Variants in MTURN observed in about 807,000 individuals in gnomAD.
The protein encoded by MTURN is maturin.
MTURN carries 7 observed loss-of-function variants against 14.9 expected under a neutral mutation model. The observed-to-expected ratio is 0.47, with a 90% confidence interval of 0.27 to 0.88. The LOEUF is 0.88. Among genes scored for constraint, MTURN ranks in the 40% least tolerant of loss-of-function variants. The pLI, the probability that MTURN is intolerant of heterozygous loss-of-function variation, is 0.14. For synonymous variants in MTURN, 69 were observed against 72.5 expected (o/e 0.95, Z 0.25); for missense variants, 151 against 174.1 (o/e 0.87, Z 0.75).
At chr7:30,146,122 G>A in intron 1 of MTURN, 55 bp from the exon 2 acceptor site, 1 of 1,608,834 alleles carries the variant, frequency 6.2e-7, no homozygotes, top group Non-Finnish European at 8.5e-7. Context: ...ACTTCACACT[G>A]AGTGTAGTGA....
intron 2 of MTURN, among the ~76,000 whole-genome samples, chr7:30,156,321 T>C (rs570921915): frequency 1.1e-4 from 17 of 152,052 alleles, no homozygotes; most frequent in Admixed American, 3.3e-4. Flanking sequence ...AACCTTAAAA[T>C]TGGGGTGTAT....
At chr7:30,141,601 G>A (rs1035893765) in intron 1 of MTURN, among the ~76,000 whole-genome samples, 2 of 152,006 alleles carry the variant, frequency 1.3e-5, no homozygotes, top group East Asian at 1.9e-4. Context: ...AGAGCTCACC[G>A]TAACCTCAAA....
chr7:30,145,851 C>T (rs183828722), intron 1 of MTURN: 12 of 1,541,274 alleles, frequency 7.8e-6, no homozygotes, highest in Admixed American at 6.3e-5. Flanking sequence ...GTCTGAAAAC[C>T]GCCCTTAGCC....
At chr7:30,145,782 G>C in intron 1 of MTURN, 1 of 1,437,928 alleles carries the variant, frequency 7.0e-7, no homozygotes, top group East Asian at 2.5e-5. Context: ...TCTTTCAGCC[G>C]TAGCTGAAAG....
chr7:30,156,494 G>A (rs1248638131), intron 2 of MTURN, among the ~76,000 whole-genome samples: 1 of 151,760 alleles, frequency 6.6e-6, no homozygotes, highest in East Asian at 1.9e-4. Flanking sequence ...CTGAGACCCT[G>A]TCTCTATTAA....
Position 30,162,603 on chromosome 7 carries a change from G to GTTT in MTURN, c.*5055_*5056insTTT, listed in dbSNP as rs1367990044. 6.6e-6 allele frequency: 1 copy of GTTT among 151,754 alleles called. No homozygotes were observed. The highest frequency in any genetic ancestry group is 6.6e-5 in the Admixed American group (1 of 15,166). 9.4% of individuals were successfully genotyped at this position (151,754 alleles called of 1,614,324 possible). ...CTTGTAAATTACAAAACTGTGAATT[G>GTTT]GGTTGCCAAAAACTGTTGCCCTTCG... On this transcript the variant is annotated 3_prime_UTR_variant, in exon 3 of 3. Transcript: ENST00000324453.
intron 1 of MTURN, among the ~76,000 whole-genome samples, chr7:30,135,918 C>T (rs968029396): frequency 2.0e-5 from 3 of 152,260 alleles, no homozygotes; most frequent in Admixed American, 6.5e-5. Flanking sequence ...ACCTTCTTTG[C>T]GGAATTACAC....
At chr7:30,139,257 T>C (rs561080127) in intron 1 of MTURN, among the ~76,000 whole-genome samples, 1 of 152,366 alleles carries the variant, frequency 6.6e-6, no homozygotes, top group East Asian at 1.9e-4. Flanking sequence ...CAGTTTACTA[T>C]GTAGCAGACG....
At chr7:30,144,610 T>C (rs754134616) in intron 1 of MTURN, among the ~76,000 whole-genome samples, 1 of 152,206 alleles carries the variant, frequency 6.6e-6, no homozygotes, top group African/African-American at 2.4e-5. Context: ...TAGAGAAGTC[T>C]GCTGGCATGA....
At chr7:30,153,081 C>T (rs1797235932) in intron 2 of MTURN, among the ~76,000 whole-genome samples, 1 of 152,144 alleles carries the variant, frequency 6.6e-6, no homozygotes, top group African/African-American at 2.4e-5. Context: ...TTAAATATAC[C>T]AGTCACTTTC....
At position 30,135,028 on chromosome 7, in the gene MTURN, C is replaced by T. The variant is rs1796919118; in HGVS notation, c.-109C>T. 1.0e-6 allele frequency: 1 copy of T among 983,062 alleles called. No homozygotes were observed. The highest frequency in any genetic ancestry group is 4.7e-5 in the South Asian group (1 of 21,126). The allele number at this position is 983,062 out of a possible 1,614,324, so 60.9% of individuals were successfully genotyped here. ...AACAGTCCCAGCCGGCCCAGCCCGG[C>T]CCCGGAGGAGCCCGCGCAGGCCGAG... On this transcript the variant is annotated 5_prime_UTR_variant, in exon 1 of 3. Transcript: ENST00000324453.
intron 1 of MTURN, among the ~76,000 whole-genome samples, chr7:30,142,297 G>T (rs774598970): frequency 6.6e-6 from 1 of 152,184 alleles, no homozygotes; most frequent in Non-Finnish European, 1.5e-5. Flanking sequence ...CGGATTTTCT[G>T]TAGGAAAGAG....
chr7:30,162,491 GTTGTT>G lies in MTURN; in HGVS notation c.*4946_*4950del, dbSNP rs1289363814. The G allele has an allele frequency of 2.1e-5, 3 of 141,004 alleles. No homozygotes were observed. The highest frequency in any genetic ancestry group is 8.6e-5 in the African/African-American group (3 of 34,932). The allele number at this position is 141,004 out of a possible 1,614,324, so 8.7% of individuals were successfully genotyped here. On this transcript the variant is annotated 3_prime_UTR_variant, in exon 3 of 3. Coordinates refer to ENST00000324453, the MANE Select transcript of MTURN (RefSeq NM_152793.3). ...GTTGTTGGGTTTTTGTTTTTTGGTT[GTTGTT>G]TTTTTTTTTTTTTAGGCAAGAAGTG...
Position 30,162,628 on chromosome 7 carries a change from G to T in MTURN, c.*5080G>T, listed in dbSNP as rs1797392276. On this transcript the variant is annotated 3_prime_UTR_variant, in exon 3 of 3. Coordinates refer to ENST00000324453, the MANE Select transcript of MTURN (RefSeq NM_152793.3). ...GGGTTGCCAAAAACTGTTGCCCTTC[G>T]TTAGATGCTTCAAACAGTGTAAATC... is the stretch of plus-strand genomic sequence containing the variant. The T allele has an allele frequency of 6.6e-6, 1 of 152,214 alleles. No homozygotes were observed. The highest frequency in any genetic ancestry group is 6.6e-5 in the Admixed American group (1 of 15,230). 9.4% of individuals were successfully genotyped at this position (152,214 alleles called of 1,614,324 possible).
chr7:30,135,305 G>T lies in MTURN; in HGVS notation c.162+7G>T. 1.3e-6 allele frequency: 2 copies of T among 1,515,472 alleles called. No individual in the cohort carries two copies. Among genetic ancestry groups the T allele is most frequent in the Non-Finnish European group, 1.8e-6 (2 of 1,130,990 alleles). 93.9% of individuals were successfully genotyped at this position (1,515,472 alleles called of 1,614,324 possible). A position where few individuals can be genotyped will look rare whatever the true frequency, so the allele number is the denominator to read the frequency against. On this transcript the variant is annotated splice_region_variant and intron_variant, in intron 1 of 2. Transcript: ENST00000324453. ...CGGCTGCGGCGACAATTTTGTGAGT[G>T]CCTGGAGGAGGGACCGCCGGAGCCG... is the stretch of plus-strand genomic sequence containing the variant.
In MTURN at chr7:30,160,237, G is replaced by A. The variant is rs900935335; in HGVS notation, c.*2689G>A. 6.6e-6 allele frequency: 1 copy of A among 152,336 alleles called. No individual in the cohort carries two copies. Among genetic ancestry groups the A allele is most frequent in the Non-Finnish European group, 1.5e-5 (1 of 68,114 alleles). The allele number at this position is 152,336 out of a possible 1,614,324, so 9.4% of individuals were successfully genotyped here. A position where few individuals can be genotyped will look rare whatever the true frequency, so the allele number is the denominator to read the frequency against. ...CTTGCCAAGGTGCTGCCTTTAGGATGCTGACCCCTGCACTACCTTAGAACA... is the reference window on the plus strand; with the variant it reads ...CTTGCCAAGGTGCTGCCTTTAGGATACTGACCCCTGCACTACCTTAGAACA... On this transcript the variant is annotated 3_prime_UTR_variant, in exon 3 of 3. Transcript: ENST00000324453.
Position 30,145,907 on chromosome 7 carries a change from A to C in MTURN, c.163-270A>C, listed in dbSNP as rs1466460706. 1.9e-6 allele frequency: 3 copies of C among 1,549,174 alleles called. No homozygotes were observed. The South Asian group carries it at 3.6e-5, about 18-fold the overall frequency. ...AATCATTGGTGAGGAATGGCCACCC[A>C]CTGCCCTCTTTACTGTGTAGGAGCA... On this transcript the variant is annotated intron_variant, in intron 1 of 2. Transcript: ENST00000324453.
At chr7:30,140,783 AGTT>A (rs1797038978) in intron 1 of MTURN, 1 of 152,174 alleles carries the variant, frequency 6.6e-6, no homozygotes. Context: ...TGAGGAGAGT[AGTT>A]ACGTCAATAC....
chr7:30,141,711 C>T (rs1453890181), intron 1 of MTURN, among the ~76,000 whole-genome samples: 1 of 152,126 alleles, frequency 6.6e-6, no homozygotes, highest in Non-Finnish European at 1.5e-5. Context: ...TTTGTGGAGA[C>T]TGGAGTCTTG....
Sources: gnomAD v4.1 joint callset for allele counts (sites outside exome capture counted in the v4.1 genomes callset) on GRCh38, gnomAD v4.1.1 for gene constraint, MANE v1.5 for transcripts, NCBI Gene and HGNC (gene_info 2026-07-23, HGNC 2026-07-21) for gene names.